Variants in FRMPD4 observed in about 807,000 individuals in gnomAD.
FRMPD4 encodes FERM and PDZ domain-containing protein 4.
FRMPD4 carries 22 observed loss-of-function variants against 94.1 expected under a neutral mutation model. The ratio of observed to expected loss-of-function variants is 0.23; its 90% CI spans 0.17 to 0.33. The LOEUF is 0.33. Ranked by LOEUF, FRMPD4 falls within the 10% of genes least tolerant of loss-of-function variation. The pLI is 1.00. For synonymous variants in FRMPD4, 631 were observed against 548.6 expected, an observed-to-expected ratio of 1.15 and a Z score of -2.10; for missense variants, 1,111 against 1,339.9, an observed-to-expected ratio of 0.83 and a Z score of 2.67.
intron 1 of FRMPD4, among the ~76,000 whole-genome samples, chrX:12,274,175 A>G (rs1209160275): frequency 1.8e-5 from 2 of 110,305 alleles, no homozygotes; most frequent in Non-Finnish European, 3.8e-5. Context: ...TTAGGTATCT[A>G]CTCTTTCTAA....
intron 1 of FRMPD4, among the ~76,000 whole-genome samples, chrX:12,472,247 G>C (rs1363733729): frequency 1.8e-5 from 2 of 112,308 alleles, no homozygotes; most frequent in African/African-American, 6.5e-5. Flanking sequence ...ATCACTAATG[G>C]TGAGAAGCTA....
chrX:12,455,361 A>ATTAG (rs762711950), intron 1 of FRMPD4, among the ~76,000 whole-genome samples: 41 of 111,770 alleles, frequency 3.7e-4, no homozygotes, highest in South Asian at 3.4e-3. Flanking sequence ...TGCAGAACCA[A>ATTAG]TTAGTTATTG....
At chrX:12,359,828 T>G (rs1001993351) in intron 1 of FRMPD4, among the ~76,000 whole-genome samples, 3 of 111,455 alleles carry the variant, frequency 2.7e-5, no homozygotes, top group African/African-American at 9.8e-5. Flanking sequence ...TTTTCCTCTT[T>G]CCTTTCTCAC....
chrX:11,907,937 C>A (rs1434542840), intron 3 of FRMPD4, among the ~76,000 whole-genome samples: 2 of 109,512 alleles, frequency 1.8e-5, no homozygotes, highest in Non-Finnish European at 3.8e-5. Flanking sequence ...CTTTCCTCCT[C>A]TTCCTCCTCC....
chrX:12,345,107 T>G (rs1028263688), intron 1 of FRMPD4, among the ~76,000 whole-genome samples: 2 of 98,358 alleles, frequency 2.0e-5, no homozygotes, highest in African/African-American at 7.8e-5. Context: ...GATGGATGGA[T>G]GGATGAACAG....
intron 3 of FRMPD4, among the ~76,000 whole-genome samples, chrX:12,005,105 T>A (rs2054544934): frequency 8.9e-6 from 1 of 112,061 alleles, no homozygotes; most frequent in Non-Finnish European, 1.9e-5. Context: ...TTTATTAGAG[T>A]TAAGCCTTAG....
At chrX:12,441,646 G>GTCTT (rs1355239496) in intron 1 of FRMPD4, among the ~76,000 whole-genome samples, 1 of 111,924 alleles carries the variant, frequency 8.9e-6, no homozygotes, top group African/African-American at 3.2e-5. Context: ...GAAGAAAAGA[G>GTCTT]TCTTTGGCAA....
chrX:12,586,884 C>G (rs1602170617), intron 2 of FRMPD4, among the ~76,000 whole-genome samples: 2 of 111,771 alleles, frequency 1.8e-5, no homozygotes, highest in African/African-American at 6.5e-5. Flanking sequence ...AAGGATTATC[C>G]TTACTCCCAG....
At chrX:12,493,625 GT>G (rs1423680518) in intron 1 of FRMPD4, among the ~76,000 whole-genome samples, 2 of 112,083 alleles carry the variant, frequency 1.8e-5, no homozygotes, top group Non-Finnish European at 3.8e-5. Context: ...GTAATATGGA[GT>G]TTGGAGTAGA....
At chrX:12,648,352 T>C (rs1438215293) in intron 4 of FRMPD4, among the ~76,000 whole-genome samples, 1 of 111,752 alleles carries the variant, frequency 8.9e-6, no homozygotes, top group Non-Finnish European at 1.9e-5. Flanking sequence ...TCACCTACAC[T>C]GCCCCTGGAA....
intron 3 of FRMPD4, among the ~76,000 whole-genome samples, chrX:12,024,853 G>A (rs957496705): frequency 4.5e-5 from 5 of 111,847 alleles, no homozygotes; most frequent in African/African-American, 1.3e-4. Context: ...TGATGGGAGT[G>A]ACTCCCTTTT....
intron 4 of FRMPD4, among the ~76,000 whole-genome samples, chrX:12,653,821 G>T (rs2059623455): frequency 8.9e-6 from 1 of 111,743 alleles, no homozygotes; most frequent in Non-Finnish European, 1.9e-5. Flanking sequence ...AGGCTGGGGT[G>T]CAATGGCACG....
Position 12,291,262 on chromosome X carries a change from C to A in FRMPD4, c.41+152250C>A, listed in dbSNP as rs949502709. On this transcript the variant is annotated intron_variant, in intron 1 of 16. Transcript: ENST00000675598. ...GTCAGTACCACTTGTACTACCTGAA[C>A]TTTTCTCTCCTTTTGGTTTCTAGTT... Among the ~76,000 whole-genome samples, 3 of 112,077 alleles carry A rather than the reference C, an allele frequency of 2.7e-5. No homozygotes were observed. In the East Asian group the frequency reaches 8.4e-4, roughly 31 times the overall value.
chrX:12,435,882 TG>T (rs1436886894), intron 1 of FRMPD4, among the ~76,000 whole-genome samples: 3 of 112,182 alleles, frequency 2.7e-5, no homozygotes. Flanking sequence ...TCAGGTTTAT[TG>T]GTCTATTCAG....
chrX:12,062,634 C>G (rs1480093801), intron 3 of FRMPD4, among the ~76,000 whole-genome samples: 1 of 111,190 alleles, frequency 9.0e-6, no homozygotes, highest in East Asian at 2.8e-4. Context: ...TGTTTCTTTT[C>G]TTCATGTTTG....
intron 1 of FRMPD4, among the ~76,000 whole-genome samples, chrX:12,204,885 A>G (rs951545405): frequency 3.6e-5 from 4 of 110,872 alleles, no homozygotes; most frequent in African/African-American, 1.3e-4. Context: ...CCGCATTCCC[A>G]GAATGCTTAT....
At chrX:12,555,588 A>G (rs1370119143) in intron 2 of FRMPD4, among the ~76,000 whole-genome samples, 1 of 111,921 alleles carries the variant, frequency 8.9e-6, no homozygotes, top group Non-Finnish European at 1.9e-5. Context: ...CCAAAATCCA[A>G]CAAGAGAGAT....
At chrX:12,109,631 A>C (rs1378613854) in intron 3 of FRMPD4, among the ~76,000 whole-genome samples, 1 of 111,946 alleles carries the variant, frequency 8.9e-6, no homozygotes, top group Non-Finnish European at 1.9e-5. Context: ...CAATGAATCC[A>C]GGAGCTGGTT....
At chrX:12,421,098 G>A (rs1399157234) in intron 1 of FRMPD4, among the ~76,000 whole-genome samples, 2 of 111,722 alleles carry the variant, frequency 1.8e-5, no homozygotes, top group African/African-American at 3.3e-5. Flanking sequence ...GACTATCTGC[G>A]TCCTGATTGG....
Sources: allele counts gnomAD v4.1 joint callset (sites outside exome capture counted in the v4.1 genomes callset), GRCh38; gene constraint gnomAD v4.1.1; transcripts MANE v1.5; gene names NCBI Gene and HGNC (gene_info 2026-07-23, HGNC 2026-07-21).